ASTN2: variants seen among roughly 807,000 people sequenced by gnomAD.
The protein encoded by ASTN2 is astrotactin-2.
In ASTN2, 54 loss-of-function variants were observed where a neutral mutation model predicts 139.8. That is an observed-to-expected ratio of 0.39 (90% CI 0.31 to 0.48). ASTN2 has a LOEUF of 0.48. Ranked by LOEUF, ASTN2 falls within the 20% of genes least tolerant of loss-of-function variation. The pLI, the probability that ASTN2 is intolerant of heterozygous loss-of-function variation, is 0.95. For synonymous variants in ASTN2, 756 were observed against 719.5 expected, an observed-to-expected ratio of 1.05 and a Z score of -0.81; for missense variants, 1,565 against 1,725.1, an observed-to-expected ratio of 0.91 and a Z score of 1.64.
chr9:116,737,467 ATGTGTG>A (rs72243746), intron 13 of ASTN2, among the ~76,000 whole-genome samples: 15,036 of 148,188 alleles, frequency 0.1, 852 homozygotes, highest in East Asian at 0.21. Context: ...GTGTGTGTGA[ATGTGTG>A]TGTGTGTGTG....
At chr9:117,151,087 C>T (rs1158680876) in intron 3 of ASTN2, among the ~76,000 whole-genome samples, 1 of 151,888 alleles carries the variant, frequency 6.6e-6, no homozygotes, top group East Asian at 1.9e-4. Flanking sequence ...AGACTCAAAC[C>T]CCTTGGCTCA....
intron 19 of ASTN2, among the ~76,000 whole-genome samples, chr9:116,496,806 G>T (rs527986264): frequency 1.5e-4 from 23 of 152,322 alleles, no homozygotes; most frequent in Non-Finnish European, 2.9e-4. Context: ...CGTGGTGGCA[G>T]GCAAGAGAGC....
chr9:116,644,357 G>A (rs933509710), intron 17 of ASTN2, among the ~76,000 whole-genome samples: 2 of 152,148 alleles, frequency 1.3e-5, no homozygotes, highest in African/African-American at 4.8e-5. Flanking sequence ...AGGATTGGAA[G>A]TCTGAAAACC....
intron 20 of ASTN2, among the ~76,000 whole-genome samples, chr9:116,469,286 C>A (rs1848741248): frequency 6.6e-6 from 1 of 152,030 alleles, no homozygotes; most frequent in South Asian, 2.1e-4. Flanking sequence ...CTGCTAAAAA[C>A]TTCCTTGCTC....
At chr9:116,804,121 T>C (rs1337337115) in intron 13 of ASTN2, among the ~76,000 whole-genome samples, 1 of 152,194 alleles carries the variant, frequency 6.6e-6, no homozygotes, top group Admixed American at 6.6e-5. Context: ...AAAGAGGAGA[T>C]TCTCAAAGAG....
At chr9:116,990,601 C>T (rs1323927976) in intron 7 of ASTN2, among the ~76,000 whole-genome samples, 1 of 152,152 alleles carries the variant, frequency 6.6e-6, no homozygotes, top group East Asian at 1.9e-4. Flanking sequence ...TTCCTTCTTT[C>T]TCTTCCCTTG....
intron 1 of ASTN2, among the ~76,000 whole-genome samples, chr9:117,293,905 G>A (rs190691380): frequency 3.7e-4 from 57 of 152,328 alleles, no homozygotes; most frequent in African/African-American, 1.3e-3. Flanking sequence ...GGCACTCCAC[G>A]TGCTGAGAGT....
intron 3 of ASTN2, among the ~76,000 whole-genome samples, chr9:117,213,538 A>G (rs1832210987): frequency 6.6e-6 from 1 of 152,204 alleles, no homozygotes; most frequent in Non-Finnish European, 1.5e-5. Context: ...ATGGATCAAA[A>G]TATCACTATG....
At chr9:116,909,331 A>G (rs1834251635) in intron 10 of ASTN2, among the ~76,000 whole-genome samples, 1 of 152,120 alleles carries the variant, frequency 6.6e-6, no homozygotes, top group Non-Finnish European at 1.5e-5. Flanking sequence ...TACTTGAAAA[A>G]TTGCTGCATT....
intron 4 of ASTN2, among the ~76,000 whole-genome samples, chr9:117,098,790 AAAG>A (rs1188850477): frequency 4.0e-5 from 6 of 151,754 alleles, no homozygotes; most frequent in African/African-American, 7.2e-5. Flanking sequence ...AAAAAAAAAA[AAAG>A]AAGAAGAAAG....
At chr9:117,016,638 A>AGAT (rs1564385953) in intron 6 of ASTN2, among the ~76,000 whole-genome samples, 1 of 33,256 alleles carries the variant, frequency 3.0e-5, no homozygotes. Context: ...ATATATATAT[A>AGAT]TATATATATA....
chr9:116,701,341 G>A (rs1661309), intron 16 of ASTN2: 19,124 of 163,796 alleles, frequency 0.12, 1,189 homozygotes, highest in East Asian at 0.15. Flanking sequence ...CCCATATTCT[G>A]ATTATGAAAT....
intron 17 of ASTN2, among the ~76,000 whole-genome samples, chr9:116,637,612 G>A (rs73528769): frequency 0.029 from 4,465 of 152,108 alleles, 202 homozygotes; most frequent in African/African-American, 0.1. Context: ...AAACTACAAG[G>A]ACAAGAAATG....
At chr9:116,839,925 G>C (rs1015568097) in intron 11 of ASTN2, among the ~76,000 whole-genome samples, 1 of 144,328 alleles carries the variant, frequency 6.9e-6, no homozygotes, top group African/African-American at 2.6e-5. Context: ...TTCTCGCAGA[G>C]GGGGATTTGG....
At chr9:116,944,887 A>C (rs1835345459) in intron 10 of ASTN2, among the ~76,000 whole-genome samples, 1 of 152,084 alleles carries the variant, frequency 6.6e-6, no homozygotes, top group Non-Finnish European at 1.5e-5. Context: ...GGCCTAAAAG[A>C]AGCAGAAAAG....
At chr9:116,459,366 G>T (rs1354995007) in intron 20 of ASTN2, among the ~76,000 whole-genome samples, 1 of 151,944 alleles carries the variant, frequency 6.6e-6, no homozygotes, top group African/African-American at 2.4e-5. Flanking sequence ...AGTTTTCTTG[G>T]ATATTACATT....
chr9:117,264,225 C>T (rs761897461), intron 2 of ASTN2, among the ~76,000 whole-genome samples: 6 of 152,016 alleles, frequency 3.9e-5, no homozygotes, highest in Non-Finnish European at 8.8e-5. Flanking sequence ...TCTACATTTA[C>T]CCCATTCGTA....
intron 3 of ASTN2, among the ~76,000 whole-genome samples, chr9:117,174,828 T>C (rs1462163486): frequency 1.3e-5 from 2 of 152,078 alleles, no homozygotes; most frequent in African/African-American, 4.8e-5. Context: ...TATTTGGTTA[T>C]CTAACAAAAA....
At chr9:117,346,936 T>C in intron 1 of ASTN2, among the ~76,000 whole-genome samples, 1 of 152,188 alleles carries the variant, frequency 6.6e-6, no homozygotes, top group Non-Finnish European at 1.5e-5. Context: ...AGATTAATGC[T>C]TGACACAGCA....
Sources: gnomAD v4.1 joint callset for allele counts (sites outside exome capture counted in the v4.1 genomes callset) on GRCh38, gnomAD v4.1.1 for gene constraint, MANE v1.5 for transcripts, NCBI Gene and HGNC (gene_info 2026-07-23, HGNC 2026-07-21) for gene names.